The following HIP1 variants were observed in gnomAD, a reference collection of about 807,000 sequenced individuals.
HIP1 encodes huntingtin-interacting protein 1.
A neutral mutation model predicts 147.6 loss-of-function variants in HIP1; 65 were observed. The ratio of observed to expected loss-of-function variants is 0.44; its 90% confidence interval spans 0.36 to 0.54. The LOEUF is 0.54. HIP1 is among the 20% of genes least tolerant of loss of function. The pLI is 0.00. For synonymous variants in HIP1, 479 were observed against 504.0 expected, an observed-to-expected ratio of 0.95 and a Z score of 0.67; for missense variants, 1,061 against 1,299.6, an observed-to-expected ratio of 0.82 and a Z score of 2.82.
intron 17 of HIP1, 133 bp downstream of exon 17, chr7:75,556,577 C>CG: frequency 1.3e-5 from 8 of 637,302 alleles, no homozygotes; most frequent in Non-Finnish European, 1.7e-5. Context: ...CCCAGTTACT[C>CG]GGGGGGCTAA....
chr7:75,643,448 A>G (rs1461348837), intron 1 of HIP1, among the ~76,000 whole-genome samples: 3 of 152,170 alleles, frequency 2.0e-5, no homozygotes, highest in Non-Finnish European at 4.4e-5. Context: ...CCTAGGCAAC[A>G]TAGTGAGACC....
chr7:75,559,967 G>A lies in HIP1; in HGVS notation c.1192-52C>T, dbSNP rs947066785. 2.0e-6 allele frequency: 3 copies of A among 1,494,880 alleles called. No individual in the cohort carries two copies. The South Asian group carries it at 3.8e-5, about 19-fold the overall frequency. The allele number at this position is 1,494,880 out of a possible 1,614,324, so 92.6% of individuals were successfully genotyped here. On this transcript the variant is annotated intron_variant, in intron 13 of 30. Transcript: ENST00000336926. ...CAACCGCCCACTGCCACGGGTCACG[G>A]GCATGGGCCGGAGAAGCGGGTCCTA...
chr7:75,624,830 A>T (rs1797979123), intron 1 of HIP1, among the ~76,000 whole-genome samples: 1 of 152,138 alleles, frequency 6.6e-6, no homozygotes, highest in Non-Finnish European at 1.5e-5. Flanking sequence ...CATTTATTTA[A>T]GTTCCATCAT....
chr7:75,718,557 A>T (rs1476050589), intron 1 of HIP1, among the ~76,000 whole-genome samples: 2 of 152,224 alleles, frequency 1.3e-5, no homozygotes, highest in African/African-American at 4.8e-5. Flanking sequence ...TCAGCAACTG[A>T]TAACAGGCAG....
intron 1 of HIP1, among the ~76,000 whole-genome samples, chr7:75,687,648 G>A (rs782322529): frequency 5.9e-5 from 9 of 152,264 alleles, no homozygotes; most frequent in Middle Eastern, 3.4e-3. Context: ...CCGAGATGGC[G>A]CCATTGCACT....
At chr7:75,555,321 G>T in intron 19 of HIP1, 95 bp downstream of exon 19, 1 of 1,450,748 alleles carries the variant, frequency 6.9e-7, no homozygotes. Flanking sequence ...GCTGGGCTGA[G>T]AGCCCCTGAG....
intron 1 of HIP1, among the ~76,000 whole-genome samples, chr7:75,619,132 G>T (rs1402991322): frequency 1.3e-5 from 2 of 152,104 alleles, no homozygotes; most frequent in Non-Finnish European, 2.9e-5. Context: ...CCCCAAATTG[G>T]ACTCATTTGG....
chr7:75,633,971 G>A (rs587669057), intron 1 of HIP1, among the ~76,000 whole-genome samples: 10 of 152,132 alleles, frequency 6.6e-5, no homozygotes, highest in Non-Finnish European at 1.3e-4. Context: ...TAGGGCTATA[G>A]GGAGCAGGGC....
In HIP1 at chr7:75,542,896, C is replaced by T. The variant is rs373284521; in HGVS notation, c.2845G>A (p.Val949Ile). ...SRGVNQATAGVVASTISGKSQ... is the reference protein window; with the variant it reads ...SRGVNQATAGIVASTISGKSQ... ...TTGCCGGAAATGGTTGAGGCCACAA[C>T]GCCGGCAGTGGCCTGGTTCACTCCC... is the stretch of plus-strand genomic sequence containing the variant. The change falls in exon 28 of 31, where the codon GTT (valine) becomes ATT (isoleucine). Residue 949 changes from valine to isoleucine, a missense_variant. Val to Ile is a conservative substitution (Grantham distance 29). Transcript: ENST00000336926. The T allele has an allele frequency of 4.3e-5, 70 of 1,613,980 alleles. No individual in the cohort carries two copies. Among genetic ancestry groups the T allele is most frequent in the Middle Eastern group, 3.3e-4 (2 of 6,084 alleles).
chr7:75,714,578 G>T (rs1365635704), intron 1 of HIP1, among the ~76,000 whole-genome samples: 1 of 149,424 alleles, frequency 6.7e-6, no homozygotes, highest in Admixed American at 6.7e-5. Context: ...TCAGCCTCCC[G>T]AGTAGCTGGG....
intron 16 of HIP1, 23 bp downstream of exon 16, chr7:75,557,631 C>T (rs1554493664): frequency 2.6e-6 from 4 of 1,541,628 alleles, no homozygotes; most frequent in Middle Eastern, 1.7e-4. Flanking sequence ...CCTCATTTCC[C>T]GAGTGCTCCT....
intron 22 of HIP1, among the ~76,000 whole-genome samples, chr7:75,551,189 A>ATTTTTT (rs55679922): frequency 0.058 from 4,497 of 77,164 alleles, 1,011 homozygotes; most frequent in Middle Eastern, 0.074. Context: ...GTAGATGATA[A>ATTTTTT]TTTTTTTTTT....
At chr7:75,571,839 C>T (rs1795646712) in intron 8 of HIP1, among the ~76,000 whole-genome samples, 1 of 152,152 alleles carries the variant, frequency 6.6e-6, no homozygotes, top group South Asian at 2.1e-4. Flanking sequence ...CTGCATCAGC[C>T]TCCCAAAGTG....
chr7:75,586,825 C>A lies in HIP1; in HGVS notation c.393G>T (p.Leu131=). 2 of 1,611,520 alleles carry A rather than the reference C, an allele frequency of 1.2e-6. No individual in the cohort carries two copies. The highest frequency in any genetic ancestry group is 1.7e-6 in the Non-Finnish European group (2 of 1,177,896). ...LSDMSRMWGH[L]SEGYGQLCSI... is the part of the protein sequence containing the mutation. ...TGCACAGCTGGCCATACCCCTCGCTCAGGTGGCCCTTTTAGGAAGAGGAGG... is the reference window on the plus strand; with the variant it reads ...TGCACAGCTGGCCATACCCCTCGCTAAGGTGGCCCTTTTAGGAAGAGGAGG... Residue 131 remains leucine (L), a synonymous_variant, in exon 5 of 31, where the codon CTG becomes CTT. Transcript: ENST00000336926.
At chr7:75,593,274 A>G (rs1796566234) in intron 2 of HIP1, among the ~76,000 whole-genome samples, 4 of 152,058 alleles carry the variant, frequency 2.6e-5, no homozygotes, top group African/African-American at 9.7e-5. Flanking sequence ...TGGCCTTATG[A>G]CACCTAACTT....
chr7:75,688,963 T>C (rs944118393), intron 1 of HIP1, among the ~76,000 whole-genome samples: 1 of 152,122 alleles, frequency 6.6e-6, no homozygotes, highest in East Asian at 1.9e-4. Context: ...CTGCAGAGCC[T>C]CTGGGCAGCC....
chr7:75,567,738 T>A (rs782725944), intron 9 of HIP1, among the ~76,000 whole-genome samples: 1 of 148,122 alleles, frequency 6.8e-6, no homozygotes, highest in African/African-American at 2.7e-5. Context: ...GAGGCGGAGG[T>A]TGCAGTGAGC....
At chr7:75,658,940 A>G (rs1554513186) in intron 1 of HIP1, among the ~76,000 whole-genome samples, 1 of 152,034 alleles carries the variant, frequency 6.6e-6, no homozygotes, top group African/African-American at 2.4e-5. Context: ...CAAAGAAAAA[A>G]CAGGAAGAAA....
At chr7:75,711,742 T>C (rs1554520152) in intron 1 of HIP1, among the ~76,000 whole-genome samples, 2 of 152,224 alleles carry the variant, frequency 1.3e-5, no homozygotes. Flanking sequence ...CTCTGAGGTA[T>C]GCCCTCTTTC....
Sources: allele counts gnomAD v4.1 joint callset (sites outside exome capture counted in the v4.1 genomes callset), GRCh38; gene constraint gnomAD v4.1.1; transcripts MANE v1.5; gene names NCBI Gene and HGNC (gene_info 2026-07-23, HGNC 2026-07-21).